The following LPAR3 variants were observed in gnomAD, a reference collection of about 807,000 sequenced individuals.
LPAR3 encodes the protein lysophosphatidic acid receptor 3, also known as LPA receptor 3.
LPAR3 carries 7 observed loss-of-function variants against 17.8 expected under a neutral mutation model. The observed-to-expected ratio is 0.39, with a 90% CI of 0.22 to 0.74. The LOEUF is 0.74. LPAR3 is among the 30% of genes least tolerant of loss of function. The pLI, the probability that LPAR3 is intolerant of heterozygous loss-of-function variation, is 0.40. For missense variants in LPAR3, 391 were observed against 453.4 expected, an observed-to-expected ratio of 0.86 and a Z score of 1.25; for synonymous variants, 179 against 179.9, an observed-to-expected ratio of 0.99 and a Z score of 0.04.
At chr1:84,847,806 A>C (rs1418890193) in intron 2 of LPAR3, among the ~76,000 whole-genome samples, 1 of 152,176 alleles carries the variant, frequency 6.6e-6, no homozygotes, top group Admixed American at 6.5e-5. Context: ...GCCAGGCCTC[A>C]TTAACTGCTG....
intron 1 of LPAR3, among the ~76,000 whole-genome samples, 166 bp downstream of exon 1, chr1:84,892,850 G>T (rs2102778262): frequency 6.6e-6 from 1 of 152,296 alleles, no homozygotes. Flanking sequence ...GGAGAGTCTT[G>T]TCCCGGGGTT....
intron 1 of LPAR3, among the ~76,000 whole-genome samples, chr1:84,884,055 C>A (rs1660413260): frequency 1.3e-5 from 2 of 152,198 alleles, no homozygotes; most frequent in African/African-American, 2.4e-5. Context: ...CAGCTCACAG[C>A]CTATGCCCCT....
intron 1 of LPAR3, among the ~76,000 whole-genome samples, chr1:84,892,741 C>G (rs1362055675): frequency 1.3e-5 from 2 of 152,240 alleles, no homozygotes; most frequent in Non-Finnish European, 2.9e-5. Flanking sequence ...CCCGCCAGCC[C>G]TCAGCAGCGG....
intron 2 of LPAR3, among the ~76,000 whole-genome samples, chr1:84,844,131 G>A (rs1659555090): frequency 6.6e-6 from 1 of 152,192 alleles, no homozygotes; most frequent in African/African-American, 2.4e-5. Flanking sequence ...ACAGGGCCTG[G>A]CCCATTGCAG....
chr1:84,867,985 A>G (rs1570896256), intron 1 of LPAR3, among the ~76,000 whole-genome samples: 2 of 152,202 alleles, frequency 1.3e-5, no homozygotes, highest in East Asian at 3.8e-4. Context: ...ATTCTTGTTC[A>G]TTAATCTTTA....
rs1396089755 is a variant in LPAR3 at position 84,846,137 on chromosome 1, A to G, written c.736+19248T>C. Among the ~76,000 whole-genome samples the G allele has an allele frequency of 2.6e-4, 40 of 152,182 alleles. 2 individuals are homozygous for G. The highest frequency in any genetic ancestry group is 2.6e-3 in the Admixed American group (40 of 15,282). ...CAGTAAGAAAATAAATAAATTCAAGATTGTAAGTTTACTGATCATAAAATA... is the reference window on the plus strand; with the variant it reads ...CAGTAAGAAAATAAATAAATTCAAGGTTGTAAGTTTACTGATCATAAAATA... On this transcript the variant is annotated intron_variant, in intron 2 of 2. Transcript: ENST00000370611.
intron 2 of LPAR3, among the ~76,000 whole-genome samples, chr1:84,815,868 T>A (rs1414545542): frequency 6.6e-6 from 1 of 152,228 alleles, no homozygotes; most frequent in East Asian, 1.9e-4. Context: ...CCTTATTTCA[T>A]AATTACGGTT....
chr1:84,846,396 G>C (rs1463882427), intron 2 of LPAR3, among the ~76,000 whole-genome samples: 1 of 152,186 alleles, frequency 6.6e-6, no homozygotes. Context: ...ATAGGCTCCT[G>C]TGTCCAATTC....
intron 2 of LPAR3, among the ~76,000 whole-genome samples, chr1:84,827,845 T>C (rs1409736831): frequency 6.6e-6 from 1 of 152,072 alleles, no homozygotes; most frequent in Non-Finnish European, 1.5e-5. Context: ...AAAAGATTGT[T>C]TTATAGATTA....
At position 84,880,606 on chromosome 1, in the gene LPAR3, G is replaced by C. The variant is rs562350731; in HGVS notation, c.-19+12410C>G. 2.0e-5 allele frequency among the ~76,000 whole-genome samples: 3 copies of C among 152,322 alleles called. No individual in the cohort carries two copies. In the South Asian group the frequency reaches 6.2e-4, roughly 32 times the overall value. ...GTACACACTACTGAAGAGAGGCAGA[G>C]AGATGAGCCAAGCATGCAAGCTGGA... On this transcript the variant is annotated intron_variant, in intron 1 of 2. Coordinates refer to ENST00000370611, the MANE Select transcript of LPAR3 (RefSeq NM_012152.3).
intron 1 of LPAR3, among the ~76,000 whole-genome samples, chr1:84,889,210 C>T (rs1570911921): frequency 6.6e-6 from 1 of 152,084 alleles, no homozygotes; most frequent in Non-Finnish European, 1.5e-5. Context: ...CCCTCCCCCA[C>T]CCTCCAGCTG....
chr1:84,825,836 C>G (rs1405955704), intron 2 of LPAR3, among the ~76,000 whole-genome samples: 1 of 152,174 alleles, frequency 6.6e-6, no homozygotes, highest in African/African-American at 2.4e-5. Flanking sequence ...GGATCTCAAT[C>G]CCCGCTTACT....
chr1:84,880,083 A>C (rs1660335854), intron 1 of LPAR3, among the ~76,000 whole-genome samples: 1 of 152,128 alleles, frequency 6.6e-6, no homozygotes. Context: ...TAATCCCAGC[A>C]CTTTGGGAGG....
At chr1:84,841,298 G>A (rs1177240866) in intron 2 of LPAR3, among the ~76,000 whole-genome samples, 2 of 152,106 alleles carry the variant, frequency 1.3e-5, no homozygotes, top group East Asian at 3.8e-4. Context: ...GACAACCGAC[G>A]GCCCCTTATG....
At chr1:84,815,703 AAACCC>A (rs752087780) in intron 2 of LPAR3, among the ~76,000 whole-genome samples, 4 of 152,172 alleles carry the variant, frequency 2.6e-5, no homozygotes, top group Non-Finnish European at 5.9e-5. Flanking sequence ...TAAAGTTAAT[AAACCC>A]AACTATGTGA....
chr1:84,843,014 G>C (rs909494482), intron 2 of LPAR3, among the ~76,000 whole-genome samples: 1 of 152,190 alleles, frequency 6.6e-6, no homozygotes, highest in African/African-American at 2.4e-5. Flanking sequence ...CCCCTTAAAA[G>C]ATGAGGTCTG....
intron 1 of LPAR3, among the ~76,000 whole-genome samples, chr1:84,887,938 A>C (rs1660489053): frequency 6.6e-6 from 1 of 152,128 alleles, no homozygotes; most frequent in Admixed American, 6.5e-5. Context: ...TAACTGACGA[A>C]ATAGGAATGG....
chr1:84,888,901 A>C (rs906423823), intron 1 of LPAR3, among the ~76,000 whole-genome samples: 2 of 152,140 alleles, frequency 1.3e-5, no homozygotes, highest in Non-Finnish European at 2.9e-5. Context: ...GGGGTTGATG[A>C]ACATCCTCAG....
intron 2 of LPAR3, among the ~76,000 whole-genome samples, chr1:84,851,665 C>T (rs1029681259): frequency 6.6e-6 from 1 of 152,126 alleles, no homozygotes; most frequent in Non-Finnish European, 1.5e-5. Flanking sequence ...GAAAGATGGA[C>T]AGGAGTTTGC....
Sources: gnomAD v4.1 joint callset for allele counts (sites outside exome capture counted in the v4.1 genomes callset) on GRCh38, gnomAD v4.1.1 for gene constraint, MANE v1.5 for transcripts, NCBI Gene and HGNC (gene_info 2026-07-23, HGNC 2026-07-21) for gene names.